The following CCSER1 variants were observed in gnomAD, a reference collection of about 807,000 sequenced individuals.
CCSER1 encodes the protein coiled-coil serine rich protein 1.
CCSER1 carries 41 observed loss-of-function variants against 82.0 expected under a neutral mutation model. That is an observed-to-expected ratio of 0.50 (90% CI 0.39 to 0.65). CCSER1 has a LOEUF of 0.65. Ranked by LOEUF, CCSER1 falls within the 30% of genes least tolerant of loss-of-function variation. The pLI, the probability that CCSER1 is intolerant of heterozygous loss-of-function variation, is 0.00. For synonymous variants in CCSER1, 414 were observed against 383.9 expected, an observed-to-expected ratio of 1.08 and a Z score of -0.92; for missense variants, 1,119 against 1,064.2, an observed-to-expected ratio of 1.05 and a Z score of -0.72.
At chr4:91,114,295 A>G (rs1726359960) in intron 10 of CCSER1, among the ~76,000 whole-genome samples, 1 of 152,046 alleles carries the variant, frequency 6.6e-6, no homozygotes. Context: ...TGTAGGGTGT[A>G]TTTACTCTGA....
intron 1 of CCSER1, among the ~76,000 whole-genome samples, chr4:90,256,905 T>C (rs1723402150): frequency 6.6e-6 from 1 of 152,098 alleles, no homozygotes; most frequent in Non-Finnish European, 1.5e-5. Flanking sequence ...TATTGCTTTG[T>C]TTTATAATTA....
At chr4:91,221,866 T>A (rs1393116235) in intron 10 of CCSER1, among the ~76,000 whole-genome samples, 2 of 152,100 alleles carry the variant, frequency 1.3e-5, no homozygotes, top group Non-Finnish European at 2.9e-5. Context: ...GGGTATACTA[T>A]GGATAATTAC....
chr4:91,256,147 G>A (rs1431692800), intron 10 of CCSER1, among the ~76,000 whole-genome samples: 2 of 152,014 alleles, frequency 1.3e-5, no homozygotes, highest in African/African-American at 2.4e-5. Flanking sequence ...TGGGTGGGGG[G>A]GCCCTCTAAA....
intron 10 of CCSER1, among the ~76,000 whole-genome samples, chr4:91,162,762 G>C (rs886778774): frequency 1.3e-5 from 2 of 152,040 alleles, no homozygotes; most frequent in African/African-American, 4.8e-5. Flanking sequence ...TATTTCTGTG[G>C]GATTGGTGGT....
At chr4:90,530,474 G>A (rs1199908427) in intron 5 of CCSER1, among the ~76,000 whole-genome samples, 1 of 152,124 alleles carries the variant, frequency 6.6e-6, no homozygotes, top group African/African-American at 2.4e-5. Context: ...AGAAAAGGGA[G>A]TGTGGGCGTA....
intron 5 of CCSER1, among the ~76,000 whole-genome samples, chr4:90,604,528 A>T (rs1340264245): frequency 1.3e-5 from 2 of 152,216 alleles, no homozygotes; most frequent in African/African-American, 4.8e-5. Context: ...AATATATGCA[A>T]TGTGCTTAGC....
At chr4:91,152,683 T>C (rs1311394103) in intron 10 of CCSER1, among the ~76,000 whole-genome samples, 2 of 152,176 alleles carry the variant, frequency 1.3e-5, no homozygotes, top group Non-Finnish European at 2.9e-5. Flanking sequence ...TGTTTAGTGC[T>C]TCCTTCAGGA....
At chr4:91,242,272 T>A (rs1739434245) in intron 10 of CCSER1, among the ~76,000 whole-genome samples, 1 of 152,162 alleles carries the variant, frequency 6.6e-6, no homozygotes, top group South Asian at 2.1e-4. Context: ...AGGCAGAGAA[T>A]ACCAGGAAAT....
chr4:90,215,150 G>A (rs1049117852), intron 1 of CCSER1, among the ~76,000 whole-genome samples: 1 of 152,128 alleles, frequency 6.6e-6, no homozygotes, highest in South Asian at 2.1e-4. Flanking sequence ...GATTAGGTAG[G>A]AGCTATATAA....
chr4:91,243,582 T>C (rs186783684), intron 10 of CCSER1, among the ~76,000 whole-genome samples: 1 of 152,230 alleles, frequency 6.6e-6, no homozygotes, highest in East Asian at 1.9e-4. Context: ...AGCTCAGCGG[T>C]AGTAGGACGG....
At chr4:90,601,601 C>CTT (rs1219788756) in intron 5 of CCSER1, among the ~76,000 whole-genome samples, 3 of 149,092 alleles carry the variant, frequency 2.0e-5, no homozygotes, top group Non-Finnish European at 4.5e-5. Flanking sequence ...GTTTCATTTG[C>CTT]TCTTTTTGTT....
intron 10 of CCSER1, among the ~76,000 whole-genome samples, chr4:91,439,694 T>A (rs1263033647): frequency 6.6e-6 from 1 of 151,968 alleles, no homozygotes; most frequent in Non-Finnish European, 1.5e-5. Context: ...TCAAGACCCA[T>A]CAGTGTGCTG....
At chr4:90,590,992 T>C (rs575607728) in intron 5 of CCSER1, among the ~76,000 whole-genome samples, 2 of 152,278 alleles carry the variant, frequency 1.3e-5, no homozygotes, top group South Asian at 2.1e-4. Context: ...AGTTTGTAGT[T>C]CTCCTTGAAG....
At chr4:90,885,365 A>G (rs1218286539) in intron 8 of CCSER1, among the ~76,000 whole-genome samples, 2 of 152,224 alleles carry the variant, frequency 1.3e-5, no homozygotes, top group Non-Finnish European at 2.9e-5. Context: ...AAAAGATGAT[A>G]TAATTGAATT....
intron 10 of CCSER1, among the ~76,000 whole-genome samples, chr4:91,186,165 T>C (rs1734514252): frequency 6.6e-6 from 1 of 152,114 alleles, no homozygotes; most frequent in African/African-American, 2.4e-5. Flanking sequence ...AAAAGAAAGA[T>C]CTGGAGGGTC....
intron 6 of CCSER1, among the ~76,000 whole-genome samples, chr4:90,683,394 T>G (rs948578004): frequency 6.6e-6 from 1 of 152,020 alleles, no homozygotes; most frequent in Admixed American, 6.6e-5. Context: ...ATCATATTAC[T>G]CTTAAGTTAA....
chr4:90,456,336 G>A (rs1036020227), intron 4 of CCSER1, among the ~76,000 whole-genome samples: 6 of 152,070 alleles, frequency 3.9e-5, no homozygotes, highest in East Asian at 1.9e-4. Flanking sequence ...TATTCTACCC[G>A]GTATTATTAT....
chr4:90,970,577 G>C (rs1735008764), intron 9 of CCSER1, among the ~76,000 whole-genome samples: 1 of 151,870 alleles, frequency 6.6e-6, no homozygotes, highest in Non-Finnish European at 1.5e-5. Context: ...CAACAGACAT[G>C]AATAACATTA....
In CCSER1 at chr4:91,602,136, T is replaced by TATC. The variant is rs1764838236; in HGVS notation, c.*3080_*3082dup. On this transcript the variant is annotated 3_prime_UTR_variant, in exon 11 of 11. Coordinates refer to ENST00000509176, the MANE Select transcript of CCSER1 (RefSeq NM_001145065.2). ...CACATGTTATTCAAGTTATTTTTGT[T>TATC]ATCTAATGATTGACATGAAAATAAA... Among the ~76,000 whole-genome samples, 1 of 152,084 alleles carries TATC rather than the reference T, an allele frequency of 6.6e-6. No individual in the cohort carries two copies. Among genetic ancestry groups the TATC allele is most frequent in the Admixed American group, 6.6e-5 (1 of 15,236 alleles).
Sources: allele counts gnomAD v4.1 joint callset (sites outside exome capture counted in the v4.1 genomes callset), GRCh38; gene constraint gnomAD v4.1.1; transcripts MANE v1.5; gene names NCBI Gene and HGNC (gene_info 2026-07-23, HGNC 2026-07-21).